The following SHQ1 variants were observed in gnomAD, a reference collection of about 807,000 sequenced individuals.
The protein encoded by SHQ1 is SHQ1, H/ACA ribonucleoprotein assembly factor, also known as protein SHQ1 homolog.
A neutral mutation model predicts 53.8 loss-of-function variants in SHQ1; 49 were observed. That is an observed-to-expected ratio of 0.91 (90% confidence interval 0.72 to 1.16). The LOEUF (loss-of-function observed/expected upper bound fraction) is 1.16. SHQ1 is among the 50% of genes most tolerant of loss of function. The pLI is 0.00. For synonymous variants in SHQ1, 243 were observed against 251.0 expected, an observed-to-expected ratio of 0.97 and a Z score of 0.30; for missense variants, 738 against 683.1, an observed-to-expected ratio of 1.08 and a Z score of -0.90.
intron 10 of SHQ1, chr3:72,752,930 T>C (rs1705419420): frequency 1.0e-6 from 1 of 966,796 alleles, no homozygotes; most frequent in Non-Finnish European, 1.2e-6. Context: ...CCCAAAGTGC[T>C]GGGATTACAG....
chr3:72,799,844 T>C (rs966784110), intron 9 of SHQ1, among the ~76,000 whole-genome samples: 2 of 152,178 alleles, frequency 1.3e-5, no homozygotes, highest in African/African-American at 4.8e-5. Flanking sequence ...TCAACTCATG[T>C]ACAACCCTCA....
the SHQ1 span, among the ~76,000 whole-genome samples, chr3:72,726,644 G>T: frequency 0.016 from 2,459 of 152,232 alleles, 77 homozygotes; most frequent in African/African-American, 0.057. Context: ...GAGCCACCAC[G>T]CCGGGCCACA....
At position 72,792,901 on chromosome 3, in the gene SHQ1, T is replaced by C; in HGVS notation, c.1181+15A>G. ...GAACATCTAAAAATTCGTAAGTAAC[T>C]CTATGAAAACTTACTTGACTTTCTG... On this transcript the variant is annotated intron_variant, in intron 10 of 10. Coordinates refer to ENST00000325599, the MANE Select transcript of SHQ1 (RefSeq NM_018130.3). 1.3e-6 allele frequency: 2 copies of C among 1,576,204 alleles called. No individual in the cohort carries two copies. Among genetic ancestry groups the C allele is most frequent in the Non-Finnish European group, 1.7e-6 (2 of 1,158,404 alleles).
chr3:72,804,009 T>A (rs1706867144), intron 9 of SHQ1, among the ~76,000 whole-genome samples: 1 of 152,142 alleles, frequency 6.6e-6, no homozygotes, highest in South Asian at 2.1e-4. Context: ...CTCGAACTCC[T>A]GGGCTCAAGC....
At chr3:72,797,710 T>C (rs1706669856) in intron 9 of SHQ1, among the ~76,000 whole-genome samples, 1 of 152,242 alleles carries the variant, frequency 6.6e-6, no homozygotes, top group African/African-American at 2.4e-5. Context: ...GTGACAAATA[T>C]GGTAAAGATA....
intron 10 of SHQ1, among the ~76,000 whole-genome samples, chr3:72,752,468 G>A (rs1324663916): frequency 6.6e-6 from 1 of 152,030 alleles, no homozygotes; most frequent in Non-Finnish European, 1.5e-5. Flanking sequence ...AGGAGGAAAA[G>A]CAATATCAGC....
At chr3:72,832,516 T>C in intron 4 of SHQ1, 35 bp from the exon 5 acceptor site, 11 of 1,448,768 alleles carry the variant, frequency 7.6e-6, no homozygotes, top group Non-Finnish European at 1.0e-5. Context: ...ATAATTGCTA[T>C]CTCCTATTTT....
At chr3:72,748,992 CACACACAG>C (rs992271675), downstream of SHQ1, among the ~76,000 whole-genome samples, 11 of 151,866 alleles carry the variant, frequency 7.2e-5, no homozygotes, top group African/African-American at 2.7e-4. Context: ...CACACACACA[CACACACAG>C]GCAGAAGATT....
intron 4 of SHQ1, among the ~76,000 whole-genome samples, chr3:72,840,068 A>G (rs1038452151): frequency 1.3e-5 from 2 of 151,842 alleles, no homozygotes; most frequent in Admixed American, 6.6e-5. Context: ...TTTGGCCAAC[A>G]TGGCAAAACT....
intron 5 of SHQ1, among the ~76,000 whole-genome samples, chr3:72,825,395 CA>C (rs2106902687): frequency 6.6e-6 from 1 of 151,872 alleles, no homozygotes; most frequent in African/African-American, 2.4e-5. Flanking sequence ...CACACACACA[CA>C]CACCATTTTT....
chr3:72,825,945 T>C (rs975439011), intron 5 of SHQ1, among the ~76,000 whole-genome samples: 5 of 152,196 alleles, frequency 3.3e-5, no homozygotes, highest in Non-Finnish European at 5.9e-5. Context: ...CATCCATTAT[T>C]TCCTTGAATC....
At chr3:72,833,175 C>T (rs1452208967) in intron 4 of SHQ1, among the ~76,000 whole-genome samples, 2 of 152,154 alleles carry the variant, frequency 1.3e-5, no homozygotes, top group African/African-American at 4.8e-5. Flanking sequence ...GGTGTGGTGG[C>T]TCACTCCTGT....
chr3:72,816,104 A>G (rs1707308172), intron 7 of SHQ1, among the ~76,000 whole-genome samples: 1 of 152,206 alleles, frequency 6.6e-6, no homozygotes, highest in South Asian at 2.1e-4. Context: ...TCTTGGAGTC[A>G]GACACAAATG....
chr3:72,840,006 C>T (rs1363157267), intron 4 of SHQ1, among the ~76,000 whole-genome samples: 12 of 152,060 alleles, frequency 7.9e-5, no homozygotes, highest in African/African-American at 1.4e-4. Flanking sequence ...GTGATCCACC[C>T]GCCTCAGCCT....
chr3:72,811,985 C>G (rs1162482464), intron 9 of SHQ1, among the ~76,000 whole-genome samples: 2 of 152,154 alleles, frequency 1.3e-5, no homozygotes, highest in African/African-American at 4.8e-5. Flanking sequence ...ATGTTGCCCC[C>G]TTCAAAGTCA....
chr3:72,785,828 TTA>T (rs1431016261), intron 10 of SHQ1, among the ~76,000 whole-genome samples: 2 of 152,224 alleles, frequency 1.3e-5, no homozygotes, highest in African/African-American at 4.8e-5. Flanking sequence ...AGAACATTTT[TTA>T]TGTTTTGTGA....
chr3:72,832,494 AG>A lies in SHQ1; in HGVS notation c.487-14del, dbSNP rs1707855091. 2 of 1,537,550 alleles carry A rather than the reference AG, an allele frequency of 1.3e-6. No homozygotes were observed. Among genetic ancestry groups the A allele is most frequent in the Non-Finnish European group, 1.8e-6 (2 of 1,128,648 alleles). On this transcript the variant is annotated splice_polypyrimidine_tract_variant and intron_variant, in intron 4 of 10. Coordinates refer to ENST00000325599, the MANE Select transcript of SHQ1 (RefSeq NM_018130.3). Reference sequence around the variant, plus strand: ...CACTCAGTTCATCCTGAGGACACCCAGAAAAGAAAGAATAATTGCTATCTCC... The same window carrying A: ...CACTCAGTTCATCCTGAGGACACCCAAAAAGAAAGAATAATTGCTATCTCC...
At chr3:72,845,112 T>TA (rs11294621) in intron 1 of SHQ1, among the ~76,000 whole-genome samples, 1 of 151,254 alleles carries the variant, frequency 6.6e-6, no homozygotes, top group Non-Finnish European at 1.5e-5. Context: ...ATTACTACTT[T>TA]AAAAAAAAAG....
At chr3:72,794,280 A>G (rs1231108918) in intron 9 of SHQ1, 1 of 152,202 alleles carries the variant, frequency 6.6e-6, no homozygotes, top group Non-Finnish European at 1.5e-5. Context: ...AAAATTGCTG[A>G]CACTAAATTT....
Sources: gnomAD v4.1 joint callset for allele counts (sites outside exome capture counted in the v4.1 genomes callset) on GRCh38, gnomAD v4.1.1 for gene constraint, MANE v1.5 for transcripts, NCBI Gene and HGNC (gene_info 2026-07-23, HGNC 2026-07-21) for gene names.